The following EREG variants were observed in gnomAD, a reference collection of about 807,000 sequenced individuals.
The protein encoded by EREG is epiregulin, also known as proepiregulin.
EREG carries 23 observed loss-of-function variants against 22.4 expected under a neutral mutation model. That is an observed-to-expected ratio of 1.03 (90% CI 0.74 to 1.46). EREG has a LOEUF of 1.46. Among genes scored for constraint, EREG ranks in the 40% most tolerant of loss-of-function variants. EREG has a pLI of 0.00. For synonymous variants in EREG, 100 were observed against 75.4 expected (o/e 1.33, Z -1.69); for missense variants, 226 against 205.9 (o/e 1.10, Z -0.60).
rs538432993 is a variant in EREG, at chr4:74,379,520, A to G, written c.140A>G (p.Asn47Ser). Residue 47 changes from asparagine (N) to serine (S), a missense_variant, in exon 2 of 5, where the codon AAC becomes AGC. Asn to Ser is a conservative substitution (Grantham distance 46). Coordinates refer to ENST00000244869, the MANE Select transcript of EREG (RefSeq NM_001432.3). ...PSCIPGESSD[N>S]CTALVQTEDN... is the part of the protein sequence containing the mutation. ...TGTATCCCAGGAGAGTCCAGTGATA[A>G]CTGCACAGCTTTAGGTAAGCCCAAG... 2.0e-5 allele frequency: 32 copies of G among 1,605,860 alleles called. No individual in the cohort carries two copies. The highest frequency in any genetic ancestry group is 4.4e-5 in the South Asian group (4 of 90,884).
chr4:74,374,231 T>C (rs1390933829), intron 1 of EREG, among the ~76,000 whole-genome samples: 1 of 152,230 alleles, frequency 6.6e-6, no homozygotes, highest in Non-Finnish European at 1.5e-5. Flanking sequence ...ATTTGGATCA[T>C]TTTTATTTTC....
rs1295890324 is a variant in EREG, at chr4:74,386,121, T to C, written c.*1313T>C. 7.0e-6 allele frequency: 2 copies of C among 285,336 alleles called. No individual in the cohort carries two copies. The highest frequency in any genetic ancestry group is 1.3e-5 in the Non-Finnish European group (2 of 155,040). 17.7% of individuals were successfully genotyped at this position (285,336 alleles called of 1,614,324 possible). ...AGGTCTCAGAGAGTTAATAGGAGTA[T>C]TTTTGGGCTATTGCATAAGGAGCCA... is the stretch of plus-strand genomic sequence containing the variant. On this transcript the variant is annotated 3_prime_UTR_variant, in exon 5 of 5. Transcript: ENST00000244869.
chr4:74,368,592 A>G (rs1752240074), intron 1 of EREG, among the ~76,000 whole-genome samples: 1 of 152,216 alleles, frequency 6.6e-6, no homozygotes, highest in Non-Finnish European at 1.5e-5. Flanking sequence ...ATCACTTCGG[A>G]GAAACTGAAT....
rs544738245 is a variant in EREG at position 74,387,035 on chromosome 4, C to T, written c.*2227C>T. The stretch of plus-strand genomic sequence containing the variant: ...CAATCTCCTAACCTTGAGATCCACC[C>T]TCCACAGCCTCCCAAACTGCTGGGA... On this transcript the variant is annotated 3_prime_UTR_variant, in exon 5 of 5. Transcript: ENST00000244869. The T allele has an allele frequency of 2.6e-5, 4 of 152,178 alleles. No homozygotes were observed. The highest frequency in any genetic ancestry group is 5.9e-5 in the Non-Finnish European group (4 of 68,080). The allele number at this position is 152,178 out of a possible 1,614,324, so 9.4% of individuals were successfully genotyped here.
chr4:74,367,012 G>A (rs1752197598), intron 1 of EREG, among the ~76,000 whole-genome samples: 1 of 152,092 alleles, frequency 6.6e-6, no homozygotes, highest in African/African-American at 2.4e-5. Flanking sequence ...TTCTGAAATT[G>A]CCTTCTTTCC....
At chr4:74,380,191 C>T (rs1752450509) in intron 2 of EREG, among the ~76,000 whole-genome samples, 1 of 151,246 alleles carries the variant, frequency 6.6e-6, no homozygotes, top group Non-Finnish European at 1.5e-5. Context: ...ACAACTTTAT[C>T]TTTTGTCCCT....
chr4:74,368,147 A>G (rs573816312), intron 1 of EREG, among the ~76,000 whole-genome samples: 2 of 152,316 alleles, frequency 1.3e-5, no homozygotes, highest in East Asian at 3.9e-4. Context: ...GAAGTTCCAG[A>G]GTAGCTGGGG....
chr4:74,371,195 T>C (rs1315227046), intron 1 of EREG, among the ~76,000 whole-genome samples: 1 of 152,124 alleles, frequency 6.6e-6, no homozygotes, highest in African/African-American at 2.4e-5. Context: ...ACATAAAATA[T>C]ACTTTTTTTT....
chr4:74,378,448 T>A (rs1752419075), intron 1 of EREG, among the ~76,000 whole-genome samples: 1 of 152,200 alleles, frequency 6.6e-6, no homozygotes, highest in Non-Finnish European at 1.5e-5. Context: ...GTATTATTCA[T>A]TTCTTCAAAC....
chr4:74,369,866 T>C (rs888503843), intron 1 of EREG, among the ~76,000 whole-genome samples: 2 of 152,076 alleles, frequency 1.3e-5, no homozygotes, highest in African/African-American at 2.4e-5. Context: ...GGTAATTGTA[T>C]GTAGATTTAA....
intron 2 of EREG, among the ~76,000 whole-genome samples, chr4:74,379,893 T>A (rs1752445357): frequency 6.6e-6 from 1 of 152,182 alleles, no homozygotes; most frequent in Admixed American, 6.5e-5. Context: ...TTGTACAGAA[T>A]AGGTTCTCTA....
chr4:74,379,717 G>T (rs573972075), intron 2 of EREG, among the ~76,000 whole-genome samples, 183 bp downstream of exon 2: 1 of 152,238 alleles, frequency 6.6e-6, no homozygotes, highest in Admixed American at 6.5e-5. Flanking sequence ...TAACTGGTAG[G>T]AGAGGGACCG....
chr4:74,382,739 C>T lies in EREG; in HGVS notation c.373C>T (p.Leu125Phe), dbSNP rs1752499555. Residue 125 changes from leucine to phenylalanine, a missense_variant, in exon 4 of 5, where the codon CTT (leucine) becomes TTT (phenylalanine). Transcript: ENST00000244869. ...AGAATATGTGGCTTTGACCGTGATT[C>T]TTATTATTTTGTTTCTTATCACAGT... ...SKEYVALTVI[L>F]IILFLITVVG... is the part of the protein sequence containing the mutation. 1 of 1,613,620 alleles carries T rather than the reference C, an allele frequency of 6.2e-7. No individual in the cohort carries two copies. Among genetic ancestry groups the T allele is most frequent in the Non-Finnish European group, 8.5e-7 (1 of 1,179,798 alleles).
Position 74,373,689 on chromosome 4 carries a change from A to AATATTTATAAGTATATATGTATGT in EREG, c.68-5754_68-5731dup, listed in dbSNP as rs565687367. ...TGTTCATATATATTTATATATAAGTAATATTTATAAGTATATATGTATGTA... is the reference window on the plus strand; with the variant it reads ...TGTTCATATATATTTATATATAAGTAATATTTATAAGTATATATGTATGTATATTTATAAGTATATATGTATGTA... On this transcript the variant is annotated intron_variant, in intron 1 of 4. Transcript: ENST00000244869. Among the ~76,000 whole-genome samples, 252 of 148,110 alleles carry AATATTTATAAGTATATATGTATGT rather than the reference A, an allele frequency of 1.7e-3. 1 individual carries two copies. The highest frequency in any genetic ancestry group is 6.0e-3 in the African/African-American group (246 of 40,780).
intron 1 of EREG, among the ~76,000 whole-genome samples, chr4:74,373,704 ATATG>A (rs1445628142): frequency 2.0e-5 from 3 of 148,278 alleles, no homozygotes; most frequent in Non-Finnish European, 4.5e-5. Flanking sequence ...TTATAAGTAT[ATATG>A]TATGTATATA....
intron 1 of EREG, among the ~76,000 whole-genome samples, chr4:74,369,083 G>GA (rs931245502): frequency 6.6e-6 from 1 of 152,036 alleles, no homozygotes; most frequent in Non-Finnish European, 1.5e-5. Context: ...TAATTGTCCA[G>GA]AAAAAAATGG....
intron 1 of EREG, among the ~76,000 whole-genome samples, chr4:74,372,552 G>T (rs1251230336): frequency 6.6e-6 from 1 of 152,084 alleles, no homozygotes. Flanking sequence ...TGTTTCTTTT[G>T]GAATAATAAT....
Position 74,365,665 on chromosome 4 carries a change from C to CTT in EREG, c.67+304_67+305dup, listed in dbSNP as rs370338402. On this transcript the variant is annotated intron_variant, in intron 1 of 4. Coordinates refer to ENST00000244869, the MANE Select transcript of EREG (RefSeq NM_001432.3). ...ACAAAATAAAAAGTTGTTGAAAAAG[C>CTT]TTTTTTTTTTTTTTTGAAAAGTTGC... Among the ~76,000 whole-genome samples, 1,092 of 138,958 alleles carry CTT rather than the reference C, an allele frequency of 7.9e-3. 14 individuals are homozygous for CTT. The highest frequency in any genetic ancestry group is 0.049 in the South Asian group (213 of 4,388). The allele number at this position is 138,958 out of a possible 152,430, so 91.2% of individuals were successfully genotyped here. A position where few individuals can be genotyped will look rare whatever the true frequency, so the allele number is the denominator to read the frequency against.
chr4:74,379,785 A>T lies in EREG; in HGVS notation c.154+251A>T, dbSNP rs184692801. On this transcript the variant is annotated intron_variant, in intron 2 of 4. Transcript: ENST00000244869. ...AGATAGGGAACAACAACAACAAAAA[A>T]TTGCATTCCCTTTGGCCGTCTCCTG... 2.9e-3 allele frequency among the ~76,000 whole-genome samples: 443 copies of T among 152,322 alleles called. 3 individuals are homozygous for T. Among genetic ancestry groups the T allele is most frequent in the African/African-American group, 0.01 (434 of 41,572 alleles).
Sources: gnomAD v4.1 joint callset for allele counts (sites outside exome capture counted in the v4.1 genomes callset) on GRCh38, gnomAD v4.1.1 for gene constraint, MANE v1.5 for transcripts, NCBI Gene and HGNC (gene_info 2026-07-23, HGNC 2026-07-21) for gene names.